PREX2: variants seen among roughly 807,000 people sequenced by gnomAD.
PREX2 encodes phosphatidylinositol 3,4,5-trisphosphate-dependent Rac exchanger 2 protein.
PREX2 carries 107 observed loss-of-function variants against 203.2 expected under a neutral mutation model. The ratio of observed to expected loss-of-function variants is 0.53; its 90% CI spans 0.45 to 0.62. PREX2 has a LOEUF of 0.62. Ranked by LOEUF, PREX2 falls within the 20% of genes least tolerant of loss-of-function variation. PREX2 has a pLI of 0.00. For missense variants in PREX2, 1,777 were observed against 1,955.9 expected, an observed-to-expected ratio of 0.91 and a Z score of 1.72; for synonymous variants, 672 against 663.6, an observed-to-expected ratio of 1.01 and a Z score of -0.19.
At chr8:68,214,424 A>T (rs1195037335) in intron 37 of PREX2, among the ~76,000 whole-genome samples, 3 of 152,084 alleles carry the variant, frequency 2.0e-5, no homozygotes, top group Admixed American at 2.0e-4. Context: ...CCTCCTATTG[A>T]ATGAGGGTTC....
chr8:67,976,394 C>A, intron 1 of PREX2, among the ~76,000 whole-genome samples: 1 of 134,580 alleles, frequency 7.4e-6, no homozygotes, highest in Non-Finnish European at 1.6e-5. Flanking sequence ...GGGAGAGAGA[C>A]AGAGAGAGAG....
At chr8:68,145,316 T>G (rs1308485315) in intron 33 of PREX2, among the ~76,000 whole-genome samples, 1 of 152,140 alleles carries the variant, frequency 6.6e-6, no homozygotes, top group Non-Finnish European at 1.5e-5. Flanking sequence ...CATATTGGTA[T>G]GCAGAATTAA....
chr8:68,224,517 C>G (rs997575261), intron 38 of PREX2, 42 bp from the exon 39 acceptor site: 3 of 1,458,882 alleles, frequency 2.1e-6, no homozygotes, highest in Non-Finnish European at 2.9e-6. Context: ...TAAATTATTA[C>G]TAACACACTG....
intron 37 of PREX2, among the ~76,000 whole-genome samples, chr8:68,207,101 A>G (rs1812640443): frequency 6.6e-6 from 1 of 152,130 alleles, no homozygotes; most frequent in Admixed American, 6.6e-5. Flanking sequence ...TATAACAATT[A>G]ATAATATAAT....
At chr8:68,139,389 A>G (rs367943774) in intron 33 of PREX2, among the ~76,000 whole-genome samples, 121 of 152,262 alleles carry the variant, frequency 7.9e-4, no homozygotes, top group African/African-American at 2.5e-3. Context: ...CTCTCAGGAT[A>G]GGAAGTTGGC....
At chr8:68,107,958 G>T in intron 23 of PREX2, 151 bp from the exon 24 acceptor site, 1 of 594,932 alleles carries the variant, frequency 1.7e-6, no homozygotes, top group Non-Finnish European at 2.9e-6. Flanking sequence ...AATCACAATG[G>T]AATTTCTAAC....
chr8:68,126,493 G>C (rs1810889776), intron 30 of PREX2, among the ~76,000 whole-genome samples: 2 of 152,002 alleles, frequency 1.3e-5, no homozygotes, highest in African/African-American at 4.8e-5. Context: ...TTAGCTTATT[G>C]TACTTTGCTG....
At chr8:68,086,541 TG>T in intron 18 of PREX2, among the ~76,000 whole-genome samples, 1 of 152,178 alleles carries the variant, frequency 6.6e-6, no homozygotes, top group East Asian at 1.9e-4. Context: ...TTTATTGCGT[TG>T]TATTCATTTG....
At chr8:68,053,804 C>A in intron 9 of PREX2, among the ~76,000 whole-genome samples, 1 of 152,100 alleles carries the variant, frequency 6.6e-6, no homozygotes, top group East Asian at 1.9e-4. Context: ...TATAATGTAA[C>A]CCAATTAGTT....
In PREX2 at chr8:68,052,057, C is replaced by G. The variant is rs75689637; in HGVS notation, c.944-1040C>G. Among the ~76,000 whole-genome samples the G allele has an allele frequency of 7.7e-4, 117 of 152,214 alleles. 2 individuals are homozygous for G. In the East Asian group the frequency reaches 0.02, roughly 26 times the overall value. On this transcript the variant is annotated intron_variant, in intron 8 of 39. Transcript: ENST00000288368. ...GAATGAGTGCCAAGCACATCTGTTT[C>G]TACTCAAAAACTTAATAAAATAGAT...
intron 6 of PREX2, among the ~76,000 whole-genome samples, chr8:68,030,898 G>T (rs1807863982): frequency 6.6e-6 from 1 of 152,060 alleles, no homozygotes; most frequent in African/African-American, 2.4e-5. Flanking sequence ...TACTATGTGG[G>T]CTATAAGCTT....
chr8:68,036,421 AGAT>A (rs1344602058), intron 6 of PREX2, among the ~76,000 whole-genome samples: 1 of 152,202 alleles, frequency 6.6e-6, no homozygotes, highest in Non-Finnish European at 1.5e-5. Flanking sequence ...GTGAAAATTA[AGAT>A]GATATCTGCA....
intron 30 of PREX2, among the ~76,000 whole-genome samples, chr8:68,123,880 A>G (rs1044935158): frequency 2.6e-5 from 4 of 152,108 alleles, no homozygotes; most frequent in Non-Finnish European, 5.9e-5. Context: ...ATTTCAAAGA[A>G]TTGAGGAGGA....
At chr8:68,105,213 G>A (rs766858841) in intron 23 of PREX2, 1 of 1,367,622 alleles carries the variant, frequency 7.3e-7, no homozygotes, top group Admixed American at 1.9e-5. Context: ...TCTTCACAGT[G>A]TAAGCAGCAC....
intron 9 of PREX2, among the ~76,000 whole-genome samples, chr8:68,055,290 AAAACCC>A (rs1301654919): frequency 1.3e-5 from 2 of 152,152 alleles, no homozygotes; most frequent in Non-Finnish European, 2.9e-5. Context: ...CTTTTCTCTT[AAAACCC>A]ATGGCTCCGG....
intron 1 of PREX2, among the ~76,000 whole-genome samples, chr8:67,980,407 G>T (rs893027748): frequency 6.6e-6 from 1 of 152,158 alleles, no homozygotes; most frequent in Admixed American, 6.5e-5. Context: ...CAAAGAATAG[G>T]ATTGGATGTT....
At chr8:67,995,927 A>G (rs1168196670) in intron 1 of PREX2, among the ~76,000 whole-genome samples, 1 of 152,124 alleles carries the variant, frequency 6.6e-6, no homozygotes, top group Non-Finnish European at 1.5e-5. Context: ...TGTGCTTGCA[A>G]TTTTACATTC....
At chr8:67,960,829 T>C (rs1805614876) in intron 1 of PREX2, among the ~76,000 whole-genome samples, 1 of 151,978 alleles carries the variant, frequency 6.6e-6, no homozygotes, top group African/African-American at 2.4e-5. Context: ...GAAAAGGGAA[T>C]TGAGCTTGGA....
intron 1 of PREX2, among the ~76,000 whole-genome samples, chr8:67,965,546 TAC>T (rs1048420884): frequency 1.3e-5 from 2 of 151,978 alleles, no homozygotes; most frequent in Admixed American, 6.6e-5. Context: ...TGTATATATA[TAC>T]ACACACACTG....
Sources: gnomAD v4.1 joint callset for allele counts (sites outside exome capture counted in the v4.1 genomes callset) on GRCh38, gnomAD v4.1.1 for gene constraint, MANE v1.5 for transcripts, NCBI Gene and HGNC (gene_info 2026-07-23, HGNC 2026-07-21) for gene names.